Variants in ABCA6 observed in about 807,000 individuals in gnomAD.
ABCA6 encodes the protein ATP binding cassette subfamily A member 6, also known as ATP-binding cassette sub-family A member 6.
Under a neutral mutation model 191.2 loss-of-function variants are expected in ABCA6, and 164 were observed. The observed-to-expected ratio is 0.86, with a 90% CI of 0.76 to 0.98. ABCA6 has a LOEUF of 0.98. ABCA6 is among the 50% of genes least tolerant of loss of function. The probability of loss-of-function intolerance (pLI) is 0.00; values close to 1 mark genes in which losing one functional copy is unlikely to be tolerated. For missense variants in ABCA6, 1,958 were observed against 1,894.1 expected (o/e 1.03, Z -0.63); for synonymous variants, 636 against 647.7 (o/e 0.98, Z 0.27).
In ABCA6 at chr17:69,125,104, GTATT is replaced by G. The variant is rs1161969717; in HGVS notation, c.1120-73_1120-70del. The G allele has an allele frequency of 2.2e-5, 19 of 869,286 alleles. No individual in the cohort carries two copies. The Admixed American group carries it at 2.5e-4, about 11-fold the overall frequency. The allele number at this position is 869,286 out of a possible 1,614,324, so 53.8% of individuals were successfully genotyped here. A position where few individuals can be genotyped will look rare whatever the true frequency, so the allele number is the denominator to read the frequency against. ...AAATAGCTTGGCATAGCAGGAAAAAGTATTAATTTATTAACTAGCTTTTTCAAGA... is the reference window on the plus strand; with the variant it reads ...AAATAGCTTGGCATAGCAGGAAAAAGAATTTATTAACTAGCTTTTTCAAGA... On this transcript the variant is annotated intron_variant, in intron 8 of 38. Coordinates refer to ENST00000284425, the MANE Select transcript of ABCA6 (RefSeq NM_080284.3).
In ABCA6 at chr17:69,086,677, C is replaced by A. The variant is rs767043474; in HGVS notation, c.3878G>T (p.Cys1293Phe). 1 of 1,612,840 alleles carries A rather than the reference C, an allele frequency of 6.2e-7. No homozygotes were observed. Among genetic ancestry groups the A allele is most frequent in the South Asian group, 1.1e-5 (1 of 91,026 alleles). ...HKEYAGQKKSCFSKRKKKIAA... is the reference protein window; with the variant it reads ...HKEYAGQKKSFFSKRKKKIAA... ...TATTTTCTTCTTCCTCTTTGAAAAG[C>A]AACTTTTCTTCTGGCCTGCATATTC... Residue 1293 changes from cysteine (C) to phenylalanine (F), a missense_variant, in exon 30 of 39, where the codon TGC becomes TTC. Cys to Phe is a radical substitution (Grantham distance 205). Transcript: ENST00000284425.
intron 6 of ABCA6, among the ~76,000 whole-genome samples, chr17:69,132,104 A>G (rs2073874151): frequency 6.6e-6 from 1 of 152,128 alleles, no homozygotes; most frequent in Non-Finnish European, 1.5e-5. Context: ...CATTAATAAA[A>G]TATATTTTAT....
chr17:69,085,748 A>G (rs1598441827), intron 30 of ABCA6, 32 bp from the exon 31 acceptor site: 1 of 1,437,760 alleles, frequency 7.0e-7, no homozygotes, highest in East Asian at 2.3e-5. Flanking sequence ...TCAATATTGG[A>G]AGTGAAATAC....
chr17:69,092,200 C>T (rs1352945261), intron 25 of ABCA6, among the ~76,000 whole-genome samples: 2 of 152,098 alleles, frequency 1.3e-5, no homozygotes, highest in Non-Finnish European at 2.9e-5. Flanking sequence ...TTGAGCACTA[C>T]CCTTTCTTTC....
At chr17:69,118,006 G>T in intron 10 of ABCA6, 50 bp from the exon 11 acceptor site, 1 of 1,346,444 alleles carries the variant, frequency 7.4e-7, no homozygotes, top group Non-Finnish European at 1.0e-6. Context: ...AGTGAAAATA[G>T]CACGGGCCAT....
chr17:69,082,873 C>T lies in ABCA6; in HGVS notation c.4616G>A (p.Arg1539Lys). ...CTCCATAATCAAAAGCCCGTCTCAC[C>T]TTTCCTGCCCTGCAGCCTGTGGGAA... Reference protein sequence around the residue: ...KLFPQAAGQERYSSLLTYKLP... With the variant: ...KLFPQAAGQEKYSSLLTYKLP... The change falls in exon 36 of 39, where the codon AGG becomes AAG. Residue 1539 changes from arginine to lysine, a missense_variant and splice_region_variant. By Grantham distance (26) the Arg-to-Lys change is conservative. Transcript: ENST00000284425. 1 of 1,614,132 alleles carries T rather than the reference C, an allele frequency of 6.2e-7. No homozygotes were observed. The highest frequency in any genetic ancestry group is 1.1e-5 in the South Asian group (1 of 91,062).
chr17:69,097,466 G>T (rs932565433), intron 23 of ABCA6, among the ~76,000 whole-genome samples: 1 of 151,942 alleles, frequency 6.6e-6, no homozygotes, highest in African/African-American at 2.4e-5. Flanking sequence ...ACATCTTGGA[G>T]AGTTTCTGGC....
intron 10 of ABCA6, 124 bp downstream of exon 10, chr17:69,123,115 T>C (rs1319774726): frequency 4.2e-6 from 2 of 473,908 alleles, no homozygotes; most frequent in African/African-American, 2.1e-5. Context: ...TATACATATG[T>C]AACAAACATG....
intron 15 of ABCA6, chr17:69,112,832 A>G (rs1274190185): frequency 6.5e-6 from 1 of 154,704 alleles, no homozygotes; most frequent in Admixed American, 6.5e-5. Flanking sequence ...AAATAAAATA[A>G]GCTCATGAAC....
In ABCA6 at chr17:69,113,371, T is replaced by A; in HGVS notation, c.1903-11A>T. 6.3e-7 allele frequency: 1 copy of A among 1,585,250 alleles called. No homozygotes were observed. The highest frequency in any genetic ancestry group is 8.5e-7 in the Non-Finnish European group (1 of 1,172,338). ...ATCTAAAAGCAAAATCTACAGAGAA[T>A]GAAGATATATAAAATATGTCTCTCT... On this transcript the variant is annotated splice_polypyrimidine_tract_variant and intron_variant, in intron 14 of 38. Coordinates refer to ENST00000284425, the MANE Select transcript of ABCA6 (RefSeq NM_080284.3).
chr17:69,110,791 G>T lies in ABCA6; in HGVS notation c.2272+10C>A. The T allele has an allele frequency of 6.3e-7, 1 of 1,597,686 alleles. No homozygotes were observed. On this transcript the variant is annotated intron_variant, in intron 17 of 38. Coordinates refer to ENST00000284425, the MANE Select transcript of ABCA6 (RefSeq NM_080284.3). Reference sequence around the variant, plus strand: ...CATATTTCATTTCATTGTAATCATAGTTGAGTTACCTGGAAATGTATTTGT... The same window carrying T: ...CATATTTCATTTCATTGTAATCATATTTGAGTTACCTGGAAATGTATTTGT...
intron 14 of ABCA6, 33 bp from the exon 15 acceptor site, chr17:69,113,393 C>T (rs1023548957): frequency 2.5e-6 from 4 of 1,569,694 alleles, no homozygotes; most frequent in Non-Finnish European, 3.4e-6. Flanking sequence ...AAATATGTCT[C>T]TCTTTCACAT....
chr17:69,095,082 C>A, intron 25 of ABCA6: 1 of 201,934 alleles, frequency 5.0e-6, no homozygotes. Context: ...TTCACCTTTG[C>A]TAGACAGATA....
intron 8 of ABCA6, 99 bp downstream of exon 8, chr17:69,128,520 G>C: frequency 1.2e-6 from 1 of 849,302 alleles, no homozygotes; most frequent in Non-Finnish European, 1.7e-6. Flanking sequence ...AAATTGTTTA[G>C]AATAAAAGCT....
At position 69,140,734 on chromosome 17, in the gene ABCA6, A is replaced by G. The variant is rs895998264; in HGVS notation, c.-31T>C. The G allele has an allele frequency of 1.4e-6, 2 of 1,438,314 alleles. No individual in the cohort carries two copies. The highest frequency in any genetic ancestry group is 1.4e-5 in the African/African-American group (1 of 69,190). 89.1% of individuals were successfully genotyped at this position (1,438,314 alleles called of 1,614,324 possible). A position where few individuals can be genotyped will look rare whatever the true frequency, so the allele number is the denominator to read the frequency against. On this transcript the variant is annotated 5_prime_UTR_variant, in exon 2 of 39. It removes an upstream start codon present in the reference 5' UTR. Transcript: ENST00000284425. ...CTATTCGCTGAAGGAGAAAGTAATC[A>G]TGGTGGAACACAACCTAGAAAAAAA...
chr17:69,086,761 C>A, intron 29 of ABCA6, 26 bp from the exon 30 acceptor site: 1 of 1,527,848 alleles, frequency 6.5e-7, no homozygotes, highest in Non-Finnish European at 9.0e-7. Flanking sequence ...GCATGATTTT[C>A]CTCTTAAATT....
At chr17:69,125,309 G>A (rs1299932413) in intron 8 of ABCA6, among the ~76,000 whole-genome samples, 1 of 151,616 alleles carries the variant, frequency 6.6e-6, no homozygotes, top group Non-Finnish European at 1.5e-5. Context: ...AATCATTGCA[G>A]TATTACAAAT....
At chr17:69,095,957 G>A (rs1223670260) in intron 25 of ABCA6, among the ~76,000 whole-genome samples, 1 of 152,230 alleles carries the variant, frequency 6.6e-6, no homozygotes, top group Non-Finnish European at 1.5e-5. Flanking sequence ...ATTTTCTAGT[G>A]TTGGCAGGAA....
rs1483590115 is a variant in ABCA6, at chr17:69,107,710, G to A, written c.2375C>T (p.Ser792Leu). 1 of 1,605,036 alleles carries A rather than the reference G, an allele frequency of 6.2e-7. No homozygotes were observed. Among genetic ancestry groups the A allele is most frequent in the Non-Finnish European group, 8.5e-7 (1 of 1,173,592 alleles). Reference sequence around the variant, plus strand: ...AATGGCTTTACCTTGTTCGATAGTTGACTGTCCTTCCAGTTTCATAAAGAC... The same window carrying A: ...AATGGCTTTACCTTGTTCGATAGTTAACTGTCCTTCCAGTTTCATAAAGAC... ...NEVFMKLEGQ[S>L]TIEQDFEQVE... is the part of the protein sequence containing the mutation. The change falls in exon 18 of 39, where the codon TCA becomes TTA. Residue 792 changes from serine to leucine, a missense_variant. Ser to Leu is a moderately radical substitution (Grantham distance 145). Coordinates refer to ENST00000284425, the MANE Select transcript of ABCA6 (RefSeq NM_080284.3).
Sources: gnomAD v4.1 joint callset for allele counts (sites outside exome capture counted in the v4.1 genomes callset) on GRCh38, gnomAD v4.1.1 for gene constraint, MANE v1.5 for transcripts, NCBI Gene and HGNC (gene_info 2026-07-23, HGNC 2026-07-21) for gene names.